LRP6: variants seen among roughly 807,000 people sequenced by gnomAD.
LRP6 encodes the protein LDL receptor related protein 6.
In LRP6, 43 loss-of-function variants were observed where a neutral mutation model predicts 184.1. The ratio of observed to expected loss-of-function variants is 0.23; its 90% confidence interval spans 0.18 to 0.30. The LOEUF is 0.30. Among genes scored for constraint, LRP6 ranks in the 10% least tolerant of loss-of-function variants. LRP6 has a pLI of 1.00. For missense variants in LRP6, 1,571 were observed against 2,005.3 expected (o/e 0.78, Z 4.14); for synonymous variants, 719 against 684.9 (o/e 1.05, Z -0.78).
At chr12:12,145,857 C>T (rs976397670) in intron 15 of LRP6, among the ~76,000 whole-genome samples, 2 of 151,948 alleles carry the variant, frequency 1.3e-5, no homozygotes, top group Non-Finnish European at 2.9e-5. Context: ...GTCTCAAACT[C>T]CTGACCTCAG....
intron 12 of LRP6, chr12:12,155,552 C>A: frequency 1.3e-6 from 1 of 743,746 alleles, no homozygotes. Context: ...GCACGTTAAG[C>A]ACGCTAAGAG....
intron 3 of LRP6, among the ~76,000 whole-genome samples, chr12:12,188,941 C>T (rs1863545221): frequency 6.6e-6 from 1 of 151,830 alleles, no homozygotes; most frequent in African/African-American, 2.4e-5. Context: ...ACAAGTAACA[C>T]AAATGAAAAA....
chr12:12,247,301 G>A (rs1407477256), intron 1 of LRP6, among the ~76,000 whole-genome samples: 2 of 152,154 alleles, frequency 1.3e-5, no homozygotes, highest in East Asian at 3.8e-4. Context: ...CTTCTTTATG[G>A]CACTATCTTG....
In LRP6 at chr12:12,135,199, G is replaced by C; in HGVS notation, c.3709C>G (p.Leu1237Val). The change falls in exon 17 of 23, where the codon CTT becomes GTT. Residue 1237 changes from leucine (L) to valine (V), a missense_variant. Transcript: ENST00000261349. Reference protein sequence around the residue: ...RCSCPMHLVLLQDELSCGEPP... With the variant: ...RCSCPMHLVLVQDELSCGEPP... ...CCTCCACATGATAGCTCATCTTGAA[G>C]TAGAACCAGGTGCATGGGGCAAGAA... is the stretch of plus-strand genomic sequence containing the variant. The C allele has an allele frequency of 6.2e-7, 1 of 1,613,920 alleles. No individual in the cohort carries two copies. Among genetic ancestry groups the C allele is most frequent in the Non-Finnish European group, 8.5e-7 (1 of 1,179,852 alleles).
chr12:12,168,838 T>C (rs1019684371), intron 7 of LRP6, among the ~76,000 whole-genome samples: 1 of 151,096 alleles, frequency 6.6e-6, no homozygotes, highest in African/African-American at 2.4e-5. Flanking sequence ...TGTCTTTTTG[T>C]TTTTTTTTAA....
intron 12 of LRP6, among the ~76,000 whole-genome samples, chr12:12,154,455 C>T (rs763756424): frequency 5.3e-5 from 8 of 152,228 alleles, no homozygotes; most frequent in Non-Finnish European, 8.8e-5. Flanking sequence ...AGTTTATTAT[C>T]TGTTCCACTG....
chr12:12,218,711 C>T (rs1483860980), intron 2 of LRP6, among the ~76,000 whole-genome samples: 1 of 151,900 alleles, frequency 6.6e-6, no homozygotes, highest in Non-Finnish European at 1.5e-5. Context: ...CACCTGTAAT[C>T]CCAGCTACAA....
At chr12:12,263,278 A>AAGAC (rs766344903) in intron 1 of LRP6, among the ~76,000 whole-genome samples, 2 of 148,232 alleles carry the variant, frequency 1.3e-5, no homozygotes, top group East Asian at 4.0e-4. Context: ...AAAAAAAAAA[A>AAGAC]AGAATGTGTG....
chr12:12,242,772 A>G (rs1031095774), intron 2 of LRP6, among the ~76,000 whole-genome samples: 2 of 152,196 alleles, frequency 1.3e-5, no homozygotes, highest in African/African-American at 2.4e-5. Context: ...TAAAAAATAC[A>G]TATTTGTATT....
At chr12:12,237,401 C>G (rs1864954197) in intron 2 of LRP6, among the ~76,000 whole-genome samples, 1 of 152,104 alleles carries the variant, frequency 6.6e-6, no homozygotes, top group Admixed American at 6.5e-5. Flanking sequence ...TGGCAAACAG[C>G]AAACATCACA....
chr12:12,215,784 G>A (rs1372478223), intron 2 of LRP6, among the ~76,000 whole-genome samples: 1 of 151,710 alleles, frequency 6.6e-6, no homozygotes, highest in African/African-American at 2.4e-5. Context: ...AGCCAAGGTG[G>A]GAGGATCACC....
chr12:12,261,980 C>A (rs1434421897), intron 1 of LRP6, among the ~76,000 whole-genome samples: 1 of 152,328 alleles, frequency 6.6e-6, no homozygotes, highest in South Asian at 2.1e-4. Flanking sequence ...CGGTGGCTCA[C>A]GCCTGTAATC....
intron 2 of LRP6, among the ~76,000 whole-genome samples, chr12:12,237,448 C>T (rs921131994): frequency 1.3e-5 from 2 of 152,050 alleles, no homozygotes; most frequent in Non-Finnish European, 2.9e-5. Flanking sequence ...TCAAGGAATG[C>T]TAAAATTTGT....
intron 2 of LRP6, among the ~76,000 whole-genome samples, chr12:12,208,422 C>T (rs1160603143): frequency 6.6e-6 from 1 of 152,136 alleles, no homozygotes; most frequent in African/African-American, 2.4e-5. Flanking sequence ...TTGCTTAAAA[C>T]GTGAATAAGA....
intron 2 of LRP6, among the ~76,000 whole-genome samples, chr12:12,238,705 C>G (rs1864983714): frequency 1.3e-5 from 2 of 151,886 alleles, no homozygotes; most frequent in Non-Finnish European, 2.9e-5. Flanking sequence ...CATTTTTAGA[C>G]AAAGACCAAG....
chr12:12,154,134 T>C (rs1950118142), intron 12 of LRP6, among the ~76,000 whole-genome samples: 3 of 152,194 alleles, frequency 2.0e-5, no homozygotes, highest in African/African-American at 7.2e-5. Context: ...TCCCATTTCC[T>C]CTCTGATCTA....
chr12:12,190,675 T>A (rs1048167453), intron 3 of LRP6, among the ~76,000 whole-genome samples: 1 of 152,182 alleles, frequency 6.6e-6, no homozygotes, highest in African/African-American at 2.4e-5. Flanking sequence ...TCACAGATAG[T>A]CATCTTCTGC....
chr12:12,188,073 G>T (rs868428974), intron 3 of LRP6, among the ~76,000 whole-genome samples: 1 of 151,866 alleles, frequency 6.6e-6, no homozygotes, highest in Admixed American at 6.6e-5. Flanking sequence ...TTAGCCAGGC[G>T]TGGTGGTGGG....
Position 12,244,647 on chromosome 12 carries a change from A to G in LRP6, c.64T>C (p.Leu22=). ...TCCCGTCTGTTTGCATAAAGCAACA[A>G]AGGGGCCGCTAGAACAAAAAAAGAA... ...SFCVLLRAAP[L]LLYANRRDLR... Residue 22 remains leucine (L), a synonymous_variant, in exon 2 of 23, where the codon TTG becomes CTG. Transcript: ENST00000261349. 2 of 1,614,096 alleles carry G rather than the reference A, an allele frequency of 1.2e-6. No homozygotes were observed. The highest frequency in any genetic ancestry group is 2.2e-5 in the South Asian group (2 of 91,042).
Sources: allele counts gnomAD v4.1 joint callset (sites outside exome capture counted in the v4.1 genomes callset), GRCh38; gene constraint gnomAD v4.1.1; transcripts MANE v1.5; gene names NCBI Gene and HGNC (gene_info 2026-07-23, HGNC 2026-07-21).